PRKCA: variants seen among roughly 807,000 people sequenced by gnomAD.
PRKCA encodes protein kinase C alpha.
PRKCA carries 27 observed loss-of-function variants against 87.0 expected under a neutral mutation model. The ratio of observed to expected loss-of-function variants is 0.31; its 90% CI spans 0.23 to 0.43. The LOEUF (loss-of-function observed/expected upper bound fraction) is 0.43, where lower values mean the gene tolerates loss of function less well. Ranked by LOEUF, PRKCA falls within the 20% of genes least tolerant of loss-of-function variation. The pLI is 1.00. For missense variants in PRKCA, 518 were observed against 852.3 expected (o/e 0.61, Z 4.88); for synonymous variants, 329 against 311.1 (o/e 1.06, Z -0.61).
chr17:66,433,174 G>A (rs887067648), intron 2 of PRKCA, among the ~76,000 whole-genome samples: 42 of 152,216 alleles, frequency 2.8e-4, no homozygotes, highest in African/African-American at 9.6e-4. Flanking sequence ...TCCAATAGCT[G>A]GGATGCTTTT....
intron 2 of PRKCA, among the ~76,000 whole-genome samples, chr17:66,491,021 G>A (rs564868826): frequency 6.6e-6 from 1 of 152,334 alleles, no homozygotes; most frequent in South Asian, 2.1e-4. Context: ...TGGATCACAA[G>A]ATTGGGTGTT....
In PRKCA at chr17:66,302,846, G is replaced by A. The variant is rs1000836174; in HGVS notation, c.-6G>A. On this transcript the variant is annotated 5_prime_UTR_variant, in exon 1 of 17. Transcript: ENST00000413366. ...CGGCGGAGGCAAGAGGTGGTTGGGG[G>A]GGACCATGGCTGACGTTTTCCCGGG... The A allele has an allele frequency of 1.9e-6, 3 of 1,592,976 alleles. No homozygotes were observed. The highest frequency in any genetic ancestry group is 1.7e-5 in the Admixed American group (1 of 57,396).
chr17:66,784,889 C>A (rs79644044), intron 14 of PRKCA, among the ~76,000 whole-genome samples: 6,980 of 152,190 alleles, frequency 0.046, 183 homozygotes, highest in Middle Eastern at 0.092. Context: ...GCCCTGGGGG[C>A]CTCTCAGGCT....
intron 3 of PRKCA, among the ~76,000 whole-genome samples, chr17:66,526,630 T>C (rs887304708): frequency 2.0e-5 from 3 of 152,188 alleles, no homozygotes; most frequent in Non-Finnish European, 4.4e-5. Context: ...TCGTTACTTC[T>C]GTCTCATTAT....
chr17:66,774,892 G>A, intron 14 of PRKCA: 1 of 985,404 alleles, frequency 1.0e-6, no homozygotes. Context: ...TCCAGTTAAG[G>A]AAGGTAAATT....
At chr17:66,625,991 C>T (rs930453677) in intron 3 of PRKCA, among the ~76,000 whole-genome samples, 2 of 152,210 alleles carry the variant, frequency 1.3e-5, no homozygotes, top group African/African-American at 4.8e-5. Flanking sequence ...TTTATGTGGC[C>T]TCATTCCCCA....
chr17:66,400,363 G>T (rs1250297171), intron 2 of PRKCA, among the ~76,000 whole-genome samples: 1 of 152,198 alleles, frequency 6.6e-6, no homozygotes, highest in East Asian at 1.9e-4. Flanking sequence ...TGTTGGCCAG[G>T]CTGGTCTCAA....
chr17:66,571,330 G>GT (rs965994526), intron 3 of PRKCA, among the ~76,000 whole-genome samples: 12 of 151,006 alleles, frequency 7.9e-5, no homozygotes, highest in African/African-American at 1.7e-4. Flanking sequence ...GGAAATAATT[G>GT]TTTTTTTTTA....
intron 3 of PRKCA, among the ~76,000 whole-genome samples, chr17:66,512,459 TG>T (rs1261571066): frequency 0.018 from 253 of 13,802 alleles, no homozygotes; most frequent in African/African-American, 0.037. Flanking sequence ...ACAAAAAAAG[TG>T]TGTGTGTGTG....
intron 2 of PRKCA, among the ~76,000 whole-genome samples, chr17:66,400,326 A>G (rs1213137161): frequency 2.6e-5 from 4 of 152,072 alleles, no homozygotes; most frequent in Admixed American, 2.0e-4. Flanking sequence ...TAATTTTTGC[A>G]TTTTTAGTAG....
chr17:66,411,183 T>A (rs971453989), intron 2 of PRKCA, among the ~76,000 whole-genome samples: 1 of 151,438 alleles, frequency 6.6e-6, no homozygotes, highest in African/African-American at 2.4e-5. Flanking sequence ...GCGATCCTCC[T>A]ACCTTAGCCT....
At chr17:66,387,129 T>C (rs536483128) in intron 2 of PRKCA, among the ~76,000 whole-genome samples, 3 of 152,362 alleles carry the variant, frequency 2.0e-5, no homozygotes, top group African/African-American at 4.8e-5. Flanking sequence ...ATGTGGATGA[T>C]TGACATCAAC....
chr17:66,474,952 C>T (rs1028010858), intron 2 of PRKCA, among the ~76,000 whole-genome samples: 5 of 152,198 alleles, frequency 3.3e-5, no homozygotes, highest in Non-Finnish European at 7.3e-5. Context: ...ACATCTTTCT[C>T]TCTGAAAGTG....
At chr17:66,678,133 C>T (rs1972386268) in intron 5 of PRKCA, among the ~76,000 whole-genome samples, 2 of 152,130 alleles carry the variant, frequency 1.3e-5, no homozygotes, top group Non-Finnish European at 2.9e-5. Flanking sequence ...TGGATGGGCC[C>T]TAAATGTGAT....
At chr17:66,403,959 A>T (rs1304862631) in intron 2 of PRKCA, 2 of 152,164 alleles carry the variant, frequency 1.3e-5, no homozygotes, top group Non-Finnish European at 2.9e-5. Flanking sequence ...AGTAAATGAG[A>T]CATAGTCCAG....
chr17:66,708,948 G>A (rs1453566463), intron 8 of PRKCA, among the ~76,000 whole-genome samples: 1 of 152,150 alleles, frequency 6.6e-6, no homozygotes, highest in Non-Finnish European at 1.5e-5. Flanking sequence ...ATGGATTTGT[G>A]ATTACTGACT....
At chr17:66,744,192 T>C (rs1974220930) in intron 13 of PRKCA, among the ~76,000 whole-genome samples, 1 of 152,222 alleles carries the variant, frequency 6.6e-6, no homozygotes, top group African/African-American at 2.4e-5. Context: ...TATGTGATCT[T>C]GCTGCATAAC....
chr17:66,434,138 G>T (rs1820259376), intron 2 of PRKCA, among the ~76,000 whole-genome samples: 1 of 151,900 alleles, frequency 6.6e-6, no homozygotes, highest in Non-Finnish European at 1.5e-5. Flanking sequence ...CTTGTCAGGT[G>T]CCAGCAGGAA....
chr17:66,731,717 G>A (rs1430195731), intron 8 of PRKCA, among the ~76,000 whole-genome samples: 4 of 149,776 alleles, frequency 2.7e-5, no homozygotes, highest in African/African-American at 9.8e-5. Flanking sequence ...CTGGTAGCTC[G>A]CCCACCAGGC....
Sources: allele counts gnomAD v4.1 joint callset (sites outside exome capture counted in the v4.1 genomes callset), GRCh38; gene constraint gnomAD v4.1.1; transcripts MANE v1.5; gene names NCBI Gene and HGNC (gene_info 2026-07-23, HGNC 2026-07-21).